The following ZBTB20 variants were observed in gnomAD, a reference collection of about 807,000 sequenced individuals.
The protein encoded by ZBTB20 is zinc finger and BTB domain containing 20, also known as zinc finger and BTB domain-containing protein 20.
A neutral mutation model predicts 56.9 loss-of-function variants in ZBTB20; 9 were observed. The observed-to-expected ratio is 0.16, with a 90% CI of 0.10 to 0.28. The LOEUF (loss-of-function observed/expected upper bound fraction) is 0.28, where lower values mean the gene tolerates loss of function less well. Ranked by LOEUF, ZBTB20 falls within the 10% of genes least tolerant of loss-of-function variation. The pLI, the probability that ZBTB20 is intolerant of heterozygous loss-of-function variation, is 1.00. For synonymous variants in ZBTB20, 417 were observed against 420.7 expected (o/e 0.99, Z 0.11); for missense variants, 655 against 1,003.0 (o/e 0.65, Z 4.69).
chr3:114,402,682 G>C (rs1390876454), intron 7 of ZBTB20, among the ~76,000 whole-genome samples: 1 of 152,164 alleles, frequency 6.6e-6, no homozygotes, highest in African/African-American at 2.4e-5. Context: ...CATGTGCTTT[G>C]TGAATTAAAT....
intron 4 of ZBTB20, among the ~76,000 whole-genome samples, chr3:114,870,562 G>A (rs1259125239): frequency 6.6e-6 from 1 of 151,610 alleles, no homozygotes; most frequent in Admixed American, 6.6e-5. Flanking sequence ...CAGTGGTGAT[G>A]GTGGTGGGAA....
At chr3:114,643,866 T>C (rs2059691244) in intron 6 of ZBTB20, among the ~76,000 whole-genome samples, 1 of 152,094 alleles carries the variant, frequency 6.6e-6, no homozygotes, top group African/African-American at 2.4e-5. Context: ...CTTTACATTT[T>C]GCCCGTACCT....
At chr3:114,417,345 A>C (rs1343309614) in intron 7 of ZBTB20, among the ~76,000 whole-genome samples, 1 of 152,114 alleles carries the variant, frequency 6.6e-6, no homozygotes, top group Non-Finnish European at 1.5e-5. Context: ...AGGTGACATA[A>C]ATTTCAAATC....
intron 2 of ZBTB20, among the ~76,000 whole-genome samples, chr3:115,043,333 C>T (rs567281369): frequency 1.3e-5 from 2 of 151,078 alleles, no homozygotes; most frequent in South Asian, 2.1e-4. Context: ...CCAAGGTGGG[C>T]GGATCACTTG....
At chr3:114,343,104 G>A (rs1227102567) in intron 11 of ZBTB20, among the ~76,000 whole-genome samples, 1 of 148,684 alleles carries the variant, frequency 6.7e-6, no homozygotes, top group Non-Finnish European at 1.5e-5. Flanking sequence ...TCTTCTCAAG[G>A]ACCAGCTCTG....
chr3:114,782,520 T>A (rs2070180643), intron 5 of ZBTB20, among the ~76,000 whole-genome samples: 1 of 152,032 alleles, frequency 6.6e-6, no homozygotes, highest in East Asian at 1.9e-4. Context: ...CATGTGTAAG[T>A]TTTTTTTCCC....
intron 3 of ZBTB20, among the ~76,000 whole-genome samples, chr3:114,971,905 G>A (rs1238831142): frequency 6.6e-6 from 1 of 152,184 alleles, no homozygotes; most frequent in Non-Finnish European, 1.5e-5. Context: ...GTACAGACTG[G>A]ATGCCTGGAA....
At chr3:114,427,868 G>A (rs1309378304) in intron 7 of ZBTB20, among the ~76,000 whole-genome samples, 2 of 152,286 alleles carry the variant, frequency 1.3e-5, no homozygotes, top group East Asian at 1.9e-4. Context: ...CAATCAAGGA[G>A]CACCAACTAA....
intron 6 of ZBTB20, among the ~76,000 whole-genome samples, chr3:114,644,068 A>C (rs2059705479): frequency 2.0e-5 from 3 of 152,084 alleles, no homozygotes; most frequent in Admixed American, 1.3e-4. Context: ...CAAATTAATA[A>C]GTCTATACCT....
intron 4 of ZBTB20, among the ~76,000 whole-genome samples, chr3:114,863,955 G>T (rs1054881006): frequency 6.6e-6 from 1 of 151,906 alleles, no homozygotes; most frequent in African/African-American, 2.4e-5. Flanking sequence ...AAACTGAAAC[G>T]TATCTTTTAG....
At position 114,363,307 on chromosome 3, in the gene ZBTB20, C is replaced by T. The variant is rs113273250; in HGVS notation, c.200-11429G>A. 3.0e-4 allele frequency among the ~76,000 whole-genome samples: 45 copies of T among 152,190 alleles called. 1 individual carries two copies. Among genetic ancestry groups the T allele is most frequent in the African/African-American group, 1.1e-3 (44 of 41,522 alleles). The stretch of plus-strand genomic sequence containing the variant: ...GATTTTGACTATCTGCCGAGAGAGC[C>T]AGCAGAGAGGAGCAGAGAAGGTCTT... On this transcript the variant is annotated intron_variant, in intron 10 of 11. Transcript: ENST00000675478.
chr3:114,361,693 G>T (rs149829289), intron 10 of ZBTB20, among the ~76,000 whole-genome samples: 73 of 152,304 alleles, frequency 4.8e-4, no homozygotes, highest in Non-Finnish European at 8.4e-4. Context: ...ATGCTTTGGA[G>T]TTAGAGAATT....
intron 2 of ZBTB20, among the ~76,000 whole-genome samples, chr3:115,011,094 AT>A (rs2079685309): frequency 6.6e-6 from 1 of 151,894 alleles, no homozygotes; most frequent in Non-Finnish European, 1.5e-5. Flanking sequence ...CTATTTGAAA[AT>A]ATACAATCAG....
At chr3:115,066,410 T>TA (rs2082209392) in intron 2 of ZBTB20, among the ~76,000 whole-genome samples, 1 of 152,050 alleles carries the variant, frequency 6.6e-6, no homozygotes, top group Non-Finnish European at 1.5e-5. Context: ...TTCTACTTCC[T>TA]AAAAATCCCT....
Position 114,440,758 on chromosome 3 carries a change from T to C in ZBTB20, c.-254-51653A>G, listed in dbSNP as rs185218677. ...CTCGCAAGAGCTAGTCCAAAGGCTCTGAAGTGATACCATGGGAAGGAAGAG... is the reference window on the plus strand; with the variant it reads ...CTCGCAAGAGCTAGTCCAAAGGCTCCGAAGTGATACCATGGGAAGGAAGAG... On this transcript the variant is annotated intron_variant, in intron 7 of 11. Coordinates refer to ENST00000675478, the MANE Select transcript of ZBTB20 (RefSeq NM_001348800.3). Among the ~76,000 whole-genome samples the C allele has an allele frequency of 3.5e-4, 54 of 152,324 alleles. 1 individual carries two copies. The highest frequency in any genetic ancestry group is 1.9e-3 in the Admixed American group (29 of 15,298).
intron 7 of ZBTB20, among the ~76,000 whole-genome samples, chr3:114,444,105 T>G (rs1472982532): frequency 2.6e-5 from 4 of 152,182 alleles, no homozygotes; most frequent in African/African-American, 9.6e-5. Flanking sequence ...CAGTTTGTAA[T>G]GTTATAAACC....
chr3:115,128,353 T>A (rs980746239), intron 1 of ZBTB20, among the ~76,000 whole-genome samples: 1 of 151,994 alleles, frequency 6.6e-6, no homozygotes, highest in Non-Finnish European at 1.5e-5. Context: ...TTGCCTAAAG[T>A]CCATTTACAG....
At chr3:114,562,426 G>T (rs1050053261) in intron 6 of ZBTB20, among the ~76,000 whole-genome samples, 1 of 152,180 alleles carries the variant, frequency 6.6e-6, no homozygotes, top group Admixed American at 6.5e-5. Flanking sequence ...GCCTCCAAAA[G>T]TGCTGGGATT....
At chr3:114,669,684 A>G (rs902846912) in intron 6 of ZBTB20, among the ~76,000 whole-genome samples, 4 of 151,752 alleles carry the variant, frequency 2.6e-5, no homozygotes, top group Non-Finnish European at 1.5e-5. Flanking sequence ...TTTTTCTAGG[A>G]CCAGTTTTTT....
Sources: gnomAD v4.1 joint callset for allele counts (sites outside exome capture counted in the v4.1 genomes callset) on GRCh38, gnomAD v4.1.1 for gene constraint, MANE v1.5 for transcripts, NCBI Gene and HGNC (gene_info 2026-07-23, HGNC 2026-07-21) for gene names.